The following COX7B2 variants were observed in gnomAD, a reference collection of about 807,000 sequenced individuals.
COX7B2 encodes the protein cytochrome c oxidase subunit 7B2, mitochondrial.
For synonymous variants in COX7B2, 37 were observed against 32.1 expected, an observed-to-expected ratio of 1.15 and a Z score of -0.51; for missense variants, 109 against 95.9, an observed-to-expected ratio of 1.14 and a Z score of -0.57.
chr4:46,901,847 T>A (rs998411432), intron 1 of COX7B2, among the ~76,000 whole-genome samples: 1 of 152,220 alleles, frequency 6.6e-6, no homozygotes, highest in African/African-American at 2.4e-5. Context: ...TGGTCTCCCA[T>A]GAGTCCTCAG....
chr4:46,872,370 G>A (rs1045694105), intron 1 of COX7B2, among the ~76,000 whole-genome samples: 7 of 151,980 alleles, frequency 4.6e-5, no homozygotes, highest in African/African-American at 1.2e-4. Flanking sequence ...TAACTATTGA[G>A]TACTAGGCTT....
At chr4:46,755,082 A>T (rs1267492096) in intron 2 of COX7B2, among the ~76,000 whole-genome samples, 4 of 151,862 alleles carry the variant, frequency 2.6e-5, no homozygotes, top group Admixed American at 1.3e-4. Context: ...TCAAAAAATG[A>T]TACACAATAT....
chr4:46,769,129 A>T (rs1052506785), intron 2 of COX7B2, among the ~76,000 whole-genome samples: 5 of 152,022 alleles, frequency 3.3e-5, no homozygotes, highest in Admixed American at 3.3e-4. Context: ...AAAGTATAAT[A>T]ATAATAAAAT....
intron 2 of COX7B2, among the ~76,000 whole-genome samples, chr4:46,790,569 A>G (rs1375602834): frequency 6.6e-6 from 1 of 152,210 alleles, no homozygotes; most frequent in Non-Finnish European, 1.5e-5. Context: ...TAAGATAAAG[A>G]CAATTAGAGT....
At chr4:46,857,826 T>C (rs1248493112) in intron 1 of COX7B2, among the ~76,000 whole-genome samples, 1 of 152,196 alleles carries the variant, frequency 6.6e-6, no homozygotes, top group Non-Finnish European at 1.5e-5. Flanking sequence ...AAACTAACCC[T>C]GGTGTTGGGA....
intron 2 of COX7B2, among the ~76,000 whole-genome samples, chr4:46,806,467 G>C (rs962012836): frequency 2.0e-5 from 3 of 151,906 alleles, no homozygotes; most frequent in African/African-American, 7.2e-5. Context: ...GATATTATGA[G>C]GCTAAAAAGG....
At chr4:46,801,925 T>C (rs1401209671) in intron 2 of COX7B2, among the ~76,000 whole-genome samples, 1 of 152,134 alleles carries the variant, frequency 6.6e-6, no homozygotes, top group Non-Finnish European at 1.5e-5. Flanking sequence ...TATCCCTTAT[T>C]TGTATAGCTC....
intron 2 of COX7B2, among the ~76,000 whole-genome samples, chr4:46,777,376 CAGAG>C (rs140877565): frequency 1.3e-5 from 2 of 149,360 alleles, no homozygotes; most frequent in Admixed American, 6.7e-5. Context: ...AGTGGAGTGC[CAGAG>C]AGAGAGAGAG....
chr4:46,851,116 A>G (rs1716650842), intron 1 of COX7B2, among the ~76,000 whole-genome samples: 1 of 152,064 alleles, frequency 6.6e-6, no homozygotes, highest in Non-Finnish European at 1.5e-5. Flanking sequence ...GGCCCATGAC[A>G]GGATCCAAGA....
At chr4:46,891,793 C>T (rs1560440714) in intron 1 of COX7B2, among the ~76,000 whole-genome samples, 1 of 152,220 alleles carries the variant, frequency 6.6e-6, no homozygotes, top group East Asian at 1.9e-4. Context: ...TGTTTCAGGG[C>T]AATACATCCT....
chr4:46,767,796 A>G (rs1014519708), intron 2 of COX7B2, among the ~76,000 whole-genome samples: 10 of 152,254 alleles, frequency 6.6e-5, no homozygotes, highest in African/African-American at 2.4e-4. Flanking sequence ...AGACTAAAAA[A>G]AACAACATAC....
At position 46,748,907 on chromosome 4, in the gene COX7B2, A is replaced by G. The variant is rs1417828662; in HGVS notation, c.-49-13666T>C. 8.5e-5 allele frequency among the ~76,000 whole-genome samples: 13 copies of G among 152,292 alleles called. No homozygotes were observed. In the East Asian group the frequency reaches 2.5e-3, roughly 29 times the overall value. On this transcript the variant is annotated intron_variant, in intron 2 of 2. Coordinates refer to ENST00000355591, the MANE Select transcript of COX7B2 (RefSeq NM_130902.3). ...ATAAACTTAATTGTCATGGGCAATT[A>G]GATGACTCCCACGTTATATCTGCAT...
At chr4:46,791,057 T>C (rs1276636206) in intron 2 of COX7B2, among the ~76,000 whole-genome samples, 1 of 152,182 alleles carries the variant, frequency 6.6e-6, no homozygotes, top group Non-Finnish European at 1.5e-5. Flanking sequence ...TGGAGTGCAG[T>C]GGCGCGATCT....
intron 1 of COX7B2, among the ~76,000 whole-genome samples, chr4:46,866,324 T>A (rs1717663125): frequency 1.3e-5 from 2 of 152,184 alleles, no homozygotes; most frequent in South Asian, 2.1e-4. Flanking sequence ...TTACACCACA[T>A]ATGGCCTCTA....
chr4:46,744,290 C>A (rs1714890367), intron 2 of COX7B2, among the ~76,000 whole-genome samples: 1 of 152,114 alleles, frequency 6.6e-6, no homozygotes, highest in South Asian at 2.1e-4. Context: ...ATGATTACCT[C>A]CTTAGGCCTC....
chr4:46,779,826 GT>G (rs1577695626), intron 2 of COX7B2, among the ~76,000 whole-genome samples: 1 of 151,814 alleles, frequency 6.6e-6, no homozygotes, highest in Admixed American at 6.6e-5. Flanking sequence ...CAGGGATGGA[GT>G]GGGGGGAAGC....
At chr4:46,866,317 C>A (rs139181399) in intron 1 of COX7B2, among the ~76,000 whole-genome samples, 2 of 152,154 alleles carry the variant, frequency 1.3e-5, no homozygotes, top group South Asian at 4.1e-4. Flanking sequence ...ACAGATGTTA[C>A]ACCACATATG....
At chr4:46,820,848 TATATAG>T in intron 2 of COX7B2, among the ~76,000 whole-genome samples, 6 of 148,114 alleles carry the variant, frequency 4.1e-5, no homozygotes, top group African/African-American at 1.5e-4. Flanking sequence ...TATATATATA[TATATAG>T]ATAGATAGAT....
intron 2 of COX7B2, among the ~76,000 whole-genome samples, chr4:46,777,418 G>A (rs889883532): frequency 6.6e-6 from 1 of 152,108 alleles, no homozygotes; most frequent in Admixed American, 6.6e-5. Flanking sequence ...CGGTGGTGGT[G>A]AGGAGAGAGT....
Sources: gnomAD v4.1 joint callset for allele counts (sites outside exome capture counted in the v4.1 genomes callset) on GRCh38, gnomAD v4.1.1 for gene constraint, MANE v1.5 for transcripts, NCBI Gene and HGNC (gene_info 2026-07-23, HGNC 2026-07-21) for gene names.